The following SYN1 variants were observed in gnomAD, a reference collection of about 807,000 sequenced individuals.
The protein encoded by SYN1 is synapsin I.
A neutral mutation model predicts 44.6 loss-of-function variants in SYN1; 8 were observed. The ratio of observed to expected loss-of-function variants is 0.18; its 90% CI spans 0.11 to 0.32. The LOEUF (loss-of-function observed/expected upper bound fraction) is 0.32, where lower values mean the gene tolerates loss of function less well. SYN1 is among the 10% of genes least tolerant of loss of function. SYN1 has a pLI of 1.00. For synonymous variants in SYN1, 275 were observed against 280.1 expected (o/e 0.98, Z 0.18); for missense variants, 451 against 639.4 (o/e 0.71, Z 3.18).
chrX:47,581,677 G>A (rs979613888), intron 5 of SYN1, among the ~76,000 whole-genome samples: 1 of 112,072 alleles, frequency 8.9e-6, no homozygotes, highest in African/African-American at 3.2e-5. Flanking sequence ...TCCGTAAAAC[G>A]GGAATAAGAA....
chrX:47,593,538 T>C (rs2147923188), intron 5 of SYN1, among the ~76,000 whole-genome samples: 1 of 111,861 alleles, frequency 8.9e-6, no homozygotes, highest in East Asian at 2.8e-4. Flanking sequence ...CAACATGCTG[T>C]GATTATAGCC....
rs184659144 is a variant in SYN1 at position 47,617,108 on chromosome X, A to C, written c.377+2244T>G. Among the ~76,000 whole-genome samples, 238 of 111,835 alleles carry C rather than the reference A, an allele frequency of 2.1e-3. 1 individual carries two copies. Among genetic ancestry groups the C allele is most frequent in the African/African-American group, 6.0e-3 (185 of 30,740 alleles). ...TTATTCCTAGTATATAATGGTGCAT[A>C]ATAAATGCCTCCCACACTTTCATGG... On this transcript the variant is annotated intron_variant, in intron 1 of 12. Coordinates refer to ENST00000295987, the MANE Select transcript of SYN1 (RefSeq NM_006950.3).
In SYN1 at chrX:47,604,994, G is replaced by A; in HGVS notation, c.758C>T (p.Pro253Leu). 1 of 1,210,968 alleles carries A rather than the reference G, an allele frequency of 8.3e-7. No individual in the cohort carries two copies. Among genetic ancestry groups the A allele is most frequent in the Non-Finnish European group, 1.1e-6 (1 of 894,887 alleles). Residue 253 changes from proline to leucine, a missense_variant, in exon 5 of 13, where the codon CCC becomes CTC. Pro to Leu is a moderately conservative substitution (Grantham distance 98). Around this residue, in one of 3 missense-constraint regions of SYN1, gnomAD observed 315 missense variants for 451.4 expected, o/e 0.70. Transcript: ENST00000295987. ...CAAACTCACCATTTCTTTGTGATTG[G>A]GGTAGAAGGTCTGATCAATTAGAGG... ...EFPLIDQTFY[P>L]NHKEMLSSTT...
chrX:47,595,260 A>G (rs1479525447), intron 5 of SYN1, among the ~76,000 whole-genome samples: 1 of 111,905 alleles, frequency 8.9e-6, no homozygotes, highest in African/African-American at 3.3e-5. Context: ...TAAACCGATC[A>G]TGTAAATAAG....
rs752302017 is a variant in SYN1, at chrX:47,574,594, G to A, written c.1394-4C>T. The A allele has an allele frequency of 3.6e-6, 4 of 1,100,657 alleles. No homozygotes were observed. The highest frequency in any genetic ancestry group is 4.8e-6 in the Non-Finnish European group (4 of 830,426). The allele number at this position is 1,100,657 out of a possible 1,213,427, so 90.7% of individuals were successfully genotyped here. Reference sequence around the variant, plus strand: ...GGACCCGGCTGTGGAGGGCCGCCTGGGGGACAGAGGGAGAGAAAGAGCACA... The same window carrying A: ...GGACCCGGCTGTGGAGGGCCGCCTGAGGGACAGAGGGAGAGAAAGAGCACA... On this transcript the variant is annotated splice_polypyrimidine_tract_variant and splice_region_variant and intron_variant, in intron 11 of 12. Transcript: ENST00000295987.
intron 1 of SYN1, among the ~76,000 whole-genome samples, chrX:47,607,809 A>G (rs2057903197): frequency 1.8e-5 from 2 of 109,404 alleles, no homozygotes; most frequent in Admixed American, 9.8e-5. Context: ...AGGCGGGTGG[A>G]TCACCTGAGG....
At chrX:47,610,018 C>T (rs2057912269) in intron 1 of SYN1, among the ~76,000 whole-genome samples, 2 of 111,423 alleles carry the variant, frequency 1.8e-5, no homozygotes, top group South Asian at 7.5e-4. Context: ...GGTGACTATT[C>T]CCTAAACGCC....
chrX:47,605,495 C>T, intron 3 of SYN1, 116 bp from the exon 4 acceptor site: 1 of 873,935 alleles, frequency 1.1e-6, no homozygotes, highest in Non-Finnish European at 1.6e-6. Flanking sequence ...AGTGGTTTCT[C>T]ACCTCTGCAC....
chrX:47,576,107 C>T (rs1455386798), intron 9 of SYN1, 24 bp downstream of exon 9: 2 of 1,177,209 alleles, frequency 1.7e-6, no homozygotes, highest in Non-Finnish European at 2.3e-6. Context: ...TCCCTCTACC[C>T]CACCTACCCC....
chrX:47,576,626 G>A lies in SYN1; in HGVS notation c.852C>T (p.Asn284=). Residue 284 remains asparagine, a synonymous_variant, in exon 7 of 13, where the codon AAC becomes AAT. Transcript: ENST00000295987. Reference sequence around the variant, plus strand: ...TTGCGATGTCCTGGAAGTCATGCTGGTTGTCAACCTTGACCTGTGGAAGTG... The same window carrying A: ...TTGCGATGTCCTGGAAGTCATGCTGATTGTCAACCTTGACCTGTGGAAGTG... ...HSGMGKVKVD[N]QHDFQDIASV... The A allele has an allele frequency of 8.3e-7, 1 of 1,212,005 alleles. No homozygotes were observed. The highest frequency in any genetic ancestry group is 1.1e-6 in the Non-Finnish European group (1 of 895,623).
intron 5 of SYN1, among the ~76,000 whole-genome samples, chrX:47,597,367 A>G (rs775314356): frequency 1.3e-4 from 14 of 110,698 alleles, no homozygotes; most frequent in African/African-American, 3.9e-4. Context: ...TTCTGGAGAT[A>G]AAAAGCATAA....
At chrX:47,596,844 C>T (rs1479734529) in intron 5 of SYN1, among the ~76,000 whole-genome samples, 3 of 111,284 alleles carry the variant, frequency 2.7e-5, no homozygotes, top group Non-Finnish European at 5.7e-5. Flanking sequence ...TAAGTGTGGC[C>T]CAAACACAGG....
intron 9 of SYN1, 94 bp downstream of exon 9, chrX:47,576,037 T>C: frequency 1.1e-6 from 1 of 908,131 alleles, no homozygotes; most frequent in Non-Finnish European, 1.6e-6. Flanking sequence ...TGCTGTTGGC[T>C]GAGGACCTCT....
At chrX:47,612,386 TG>T (rs777557075) in intron 1 of SYN1, among the ~76,000 whole-genome samples, 1 of 110,397 alleles carries the variant, frequency 9.1e-6, no homozygotes, top group Non-Finnish European at 1.9e-5. Context: ...CAGTCAGGAT[TG>T]AGCCCAAGCA....
At chrX:47,610,575 C>T (rs1489752233) in intron 1 of SYN1, among the ~76,000 whole-genome samples, 1 of 109,175 alleles carries the variant, frequency 9.2e-6, no homozygotes, top group African/African-American at 3.4e-5. Context: ...GTAGAAGAAC[C>T]TAAAGAATCT....
intron 5 of SYN1, among the ~76,000 whole-genome samples, chrX:47,592,860 C>T (rs1425999401): frequency 9.0e-6 from 1 of 111,293 alleles, no homozygotes; most frequent in African/African-American, 3.3e-5. Context: ...TCATATGCTG[C>T]TGTTACTGCA....
intron 5 of SYN1, among the ~76,000 whole-genome samples, chrX:47,600,178 A>T (rs1419339118): frequency 2.7e-5 from 3 of 111,504 alleles, no homozygotes; most frequent in Non-Finnish European, 3.8e-5. Flanking sequence ...GGGTAAAACA[A>T]CTAGACAGGG....
intron 5 of SYN1, chrX:47,604,654 T>C (rs756498043): frequency 7.8e-6 from 2 of 255,164 alleles, no homozygotes; most frequent in South Asian, 6.5e-5. Context: ...ATGTTAGTAA[T>C]AATGACTTAA....
At chrX:47,587,855 C>T (rs1306506366) in intron 5 of SYN1, among the ~76,000 whole-genome samples, 1 of 111,413 alleles carries the variant, frequency 9.0e-6, no homozygotes, top group Admixed American at 9.5e-5. Context: ...AATGGAGCAC[C>T]TGTGTCCTCC....
Sources: gnomAD v4.1 joint callset for allele counts (sites outside exome capture counted in the v4.1 genomes callset) on GRCh38, gnomAD v4.1.1 for gene constraint, gnomAD v4.1.1 regional missense constraint, MANE v1.5 for transcripts, NCBI Gene and HGNC (gene_info 2026-07-23, HGNC 2026-07-21) for gene names.